GLB1: variants seen among roughly 807,000 people sequenced by gnomAD.
GLB1 encodes beta-galactosidase.
In GLB1, 56 loss-of-function variants were observed where a neutral mutation model predicts 74.0. That is an observed-to-expected ratio of 0.76 (90% CI 0.61 to 0.94). The LOEUF (loss-of-function observed/expected upper bound fraction) is 0.94. GLB1 is among the 40% of genes least tolerant of loss of function. The pLI is 0.00. For synonymous variants in GLB1, 323 were observed against 323.6 expected, an observed-to-expected ratio of 1.00 and a Z score of 0.02; for missense variants, 787 against 845.5, an observed-to-expected ratio of 0.93 and a Z score of 0.86.
the GLB1 span, among the ~76,000 whole-genome samples, chr3:32,981,592 G>A: frequency 1.3e-5 from 2 of 151,806 alleles, no homozygotes; most frequent in African/African-American, 4.8e-5. Flanking sequence ...TGGCCAACAT[G>A]AGGAAACCTC....
intron 1 of GLB1, chr3:33,091,613 C>T: frequency 1.0e-6 from 1 of 984,234 alleles, no homozygotes; most frequent in Non-Finnish European, 1.2e-6. Context: ...ATGGATCCCT[C>T]CTGACAAAAC....
At position 33,093,255 on chromosome 3, in the gene GLB1, C is replaced by T. The variant is rs769238140; in HGVS notation, c.75+3756G>A. 19 of 1,614,036 alleles carry T rather than the reference C, an allele frequency of 1.2e-5. No homozygotes were observed. The African/African-American group carries it at 1.6e-4, about 14-fold the overall frequency. Reference sequence around the variant, plus strand: ...CCCACTGCCACTGCCACCACCACCACGTTGGGCCCGTGTGGCGGAAATCTT... The same window carrying T: ...CCCACTGCCACTGCCACCACCACCATGTTGGGCCCGTGTGGCGGAAATCTT... On this transcript the variant is annotated intron_variant, in intron 1 of 15. Transcript: ENST00000307363. This position sits in a 1 kb window ranked among gnomAD's most constrained non-coding sequence, Gnocchi z 6.0.
At chr3:33,073,338 A>G (rs1699957279) in intron 1 of GLB1, among the ~76,000 whole-genome samples, 2 of 152,208 alleles carry the variant, frequency 1.3e-5, no homozygotes, top group Admixed American at 6.5e-5. Context: ...ATTGTGGGCC[A>G]TGACCTGATT....
chr3:32,970,215 A>G, the GLB1 span, among the ~76,000 whole-genome samples: 2 of 152,220 alleles, frequency 1.3e-5, no homozygotes, highest in Non-Finnish European at 2.9e-5. Flanking sequence ...TGCAGAGCTC[A>G]GGTAAAGTGG....
At chr3:33,037,272 C>T (rs956438394) in intron 10 of GLB1, among the ~76,000 whole-genome samples, 1 of 152,028 alleles carries the variant, frequency 6.6e-6, no homozygotes, top group Non-Finnish European at 1.5e-5. Flanking sequence ...TCTCGAACTC[C>T]TGACCTTAGG....
rs181994510 is a variant in GLB1, at chr3:33,079,635, A to G, written c.76-6922T>C. The stretch of plus-strand genomic sequence containing the variant: ...TATATTGTATGTGTATTGTACATGC[A>G]TGTTTGTATATATACAAATACACAT... On this transcript the variant is annotated intron_variant, in intron 1 of 15. Coordinates refer to ENST00000307363, the MANE Select transcript of GLB1 (RefSeq NM_000404.4). 1.7e-3 allele frequency among the ~76,000 whole-genome samples: 256 copies of G among 152,350 alleles called. 2 individuals carry two copies. Among genetic ancestry groups the G allele is most frequent in the Non-Finnish European group, 7.8e-4 (53 of 68,046 alleles).
At chr3:33,030,591 T>C (rs1697964236) in intron 10 of GLB1, 3 of 985,332 alleles carry the variant, frequency 3.0e-6, no homozygotes, top group Admixed American at 6.2e-5. Flanking sequence ...TCAGCCAGTG[T>C]AGACAAATCC....
At chr3:32,982,314 CAA>C in the GLB1 span, among the ~76,000 whole-genome samples, 694 of 75,872 alleles carry the variant, frequency 9.1e-3, 3 homozygotes, top group African/African-American at 0.026. Flanking sequence ...ACTCCGTCTC[CAA>C]AAAAAAAAAA....
the GLB1 span, among the ~76,000 whole-genome samples, chr3:32,988,468 C>T: frequency 7.2e-5 from 11 of 152,142 alleles, no homozygotes; most frequent in East Asian, 3.9e-4. Flanking sequence ...TGGGCACTGA[C>T]GTTTTATATC....
At chr3:33,089,827 C>G (rs936661100) in intron 1 of GLB1, among the ~76,000 whole-genome samples, 3 of 152,104 alleles carry the variant, frequency 2.0e-5, no homozygotes, top group African/African-American at 7.2e-5. Context: ...TCAATTAGAT[C>G]AATTTCACAA....
chr3:32,977,183 G>A, the GLB1 span, among the ~76,000 whole-genome samples: 1 of 151,390 alleles, frequency 6.6e-6, no homozygotes, highest in African/African-American at 2.4e-5. Context: ...AATTGTGGAA[G>A]GTTTTAAAGA....
chr3:33,059,903 A>C (rs1365576184), intron 5 of GLB1, among the ~76,000 whole-genome samples: 2 of 152,262 alleles, frequency 1.3e-5, no homozygotes, highest in African/African-American at 4.8e-5. Context: ...TAAGCACAAG[A>C]AACTGTGAGT....
the GLB1 span, among the ~76,000 whole-genome samples, chr3:32,978,979 CTT>C: frequency 9.0e-6 from 1 of 111,714 alleles, no homozygotes; most frequent in Admixed American, 9.4e-5. Flanking sequence ...TTCTTTCTTT[CTT>C]TTTTTTTTTT....
At chr3:33,053,124 C>T (rs1159464764) in intron 7 of GLB1, among the ~76,000 whole-genome samples, 3 of 152,220 alleles carry the variant, frequency 2.0e-5, no homozygotes, top group Non-Finnish European at 4.4e-5. Context: ...CTTAGCCACA[C>T]ACTGGCTATA....
At chr3:32,971,700 G>A in the GLB1 span, among the ~76,000 whole-genome samples, 1 of 152,050 alleles carries the variant, frequency 6.6e-6, no homozygotes, top group Admixed American at 6.6e-5. Context: ...TAGGGCAACA[G>A]TATTATGATG....
In GLB1 at chr3:33,016,696, T is replaced by C; in HGVS notation, c.1479+13A>G. ...CCCTTAAACCTTAGTCTTGACAGTG[T>C]GGTTTGTCCTACCTTAAAATCGTTG... On this transcript the variant is annotated intron_variant, in intron 14 of 15. Coordinates refer to ENST00000307363, the MANE Select transcript of GLB1 (RefSeq NM_000404.4). The C allele has an allele frequency of 6.2e-7, 1 of 1,613,552 alleles. No homozygotes were observed. Among genetic ancestry groups the C allele is most frequent in the South Asian group, 1.1e-5 (1 of 91,082 alleles).
chr3:32,967,571 T>C, the GLB1 span, among the ~76,000 whole-genome samples: 2 of 152,180 alleles, frequency 1.3e-5, no homozygotes, highest in African/African-American at 4.8e-5. Context: ...ACTTAACCCT[T>C]TGATGGGGCT....
At chr3:32,978,800 A>G in the GLB1 span, among the ~76,000 whole-genome samples, 8,303 of 127,618 alleles carry the variant, frequency 0.065, 683 homozygotes, top group East Asian at 0.44. Flanking sequence ...TCTCTCTGTC[A>G]CCCAGGCTGG....
intron 1 of GLB1, among the ~76,000 whole-genome samples, chr3:33,087,869 A>G (rs1700586765): frequency 1.2e-5 from 1 of 85,386 alleles, no homozygotes; most frequent in Admixed American, 1.3e-4. Flanking sequence ...ACAAAATACT[A>G]GCAAACTGAA....
Sources: allele counts gnomAD v4.1 joint callset (sites outside exome capture counted in the v4.1 genomes callset), GRCh38; gene constraint gnomAD v4.1.1; non-coding constraint Gnocchi (gnomAD v3.1); transcripts MANE v1.5; gene names NCBI Gene and HGNC (gene_info 2026-07-23, HGNC 2026-07-21).